The following FAP variants were observed in gnomAD, a reference collection of about 807,000 sequenced individuals.
FAP encodes the protein fibroblast activation protein alpha.
In FAP, 110 loss-of-function variants were observed where a neutral mutation model predicts 126.5. That is an observed-to-expected ratio of 0.87 (90% CI 0.74 to 1.02). The LOEUF (loss-of-function observed/expected upper bound fraction) is 1.02, where lower values mean the gene tolerates loss of function less well. Among genes scored for constraint, FAP ranks in the 50% least tolerant of loss-of-function variants. FAP has a pLI of 0.00. For missense variants in FAP, 919 were observed against 909.2 expected (o/e 1.01, Z -0.14); for synonymous variants, 334 against 297.3 (o/e 1.12, Z -1.27).
chr2:162,235,162 G>A (rs1451149003), intron 2 of FAP, among the ~76,000 whole-genome samples: 2 of 75,476 alleles, frequency 2.6e-5, no homozygotes, highest in East Asian at 3.9e-4. Context: ...CACCCCCTCC[G>A]CACCGCCCGC....
At chr2:162,222,550 A>G (rs893193068) in intron 6 of FAP, among the ~76,000 whole-genome samples, 2 of 151,974 alleles carry the variant, frequency 1.3e-5, no homozygotes, top group African/African-American at 2.4e-5. Context: ...AGACCAGAAG[A>G]TTTTTTTTCA....
chr2:162,188,787 A>C (rs1687940423), intron 19 of FAP, among the ~76,000 whole-genome samples: 1 of 152,120 alleles, frequency 6.6e-6, no homozygotes, highest in Non-Finnish European at 1.5e-5. Flanking sequence ...CAATTACATA[A>C]GATGTGAAGA....
At chr2:162,201,723 T>A (rs1688504267) in intron 14 of FAP, among the ~76,000 whole-genome samples, 1 of 152,182 alleles carries the variant, frequency 6.6e-6, no homozygotes, top group African/African-American at 2.4e-5. Context: ...GAATGTGTAT[T>A]GAACTACTCT....
intron 2 of FAP, among the ~76,000 whole-genome samples, chr2:162,230,113 G>A (rs1689836256): frequency 6.6e-6 from 1 of 152,132 alleles, no homozygotes; most frequent in African/African-American, 2.4e-5. Context: ...TTATGTTGAT[G>A]TCAGGCTGGG....
At chr2:162,242,161 G>A (rs1405028859) in intron 2 of FAP, among the ~76,000 whole-genome samples, 1 of 151,896 alleles carries the variant, frequency 6.6e-6, no homozygotes, top group Admixed American at 6.6e-5. Context: ...AGAAGCTTGA[G>A]TTTCTCTTCA....
rs1239429088 is a variant in FAP at position 162,218,070 on chromosome 2, A to G, written c.678T>C (p.Phe226=). 1.9e-6 allele frequency: 3 copies of G among 1,609,208 alleles called. No individual in the cohort carries two copies. Reference sequence around the variant, plus strand: ...CAATAACTGGTATATCCGTATCATTAAATTCCGCATATGCCAAAAATTTTC... The same window carrying G: ...CAATAACTGGTATATCCGTATCATTGAATTCCGCATATGCCAAAAATTTTC... ...PNGKFLAYAE[F]NDTDIPVIAY... is the part of the protein sequence containing the mutation. Residue 226 remains phenylalanine, a synonymous_variant, in exon 9 of 26, where the codon TTT becomes TTC. Coordinates refer to ENST00000188790, the MANE Select transcript of FAP (RefSeq NM_004460.5).
At chr2:162,179,024 C>A (rs1207460626) in intron 21 of FAP, among the ~76,000 whole-genome samples, 1 of 152,132 alleles carries the variant, frequency 6.6e-6, no homozygotes, top group Non-Finnish European at 1.5e-5. Context: ...ACTCTCCTAG[C>A]CCCTTGGCCC....
At chr2:162,203,440 G>A (rs112930284) in intron 12 of FAP, among the ~76,000 whole-genome samples, 2 of 152,234 alleles carry the variant, frequency 1.3e-5, no homozygotes, top group African/African-American at 4.8e-5. Context: ...GGTTTGAAAC[G>A]GAGTTAAAAG....
At position 162,192,538 on chromosome 2, in the gene FAP, C is replaced by G. The variant is rs558008835; in HGVS notation, c.1450+2163G>C. ...AGGCTCACTCCCCACTAACCCTATC[C>G]ACTCTTGTTTTGTCCACTCGGCTCA... On this transcript the variant is annotated intron_variant, in intron 17 of 25. Coordinates refer to ENST00000188790, the MANE Select transcript of FAP (RefSeq NM_004460.5). Among the ~76,000 whole-genome samples the G allele has an allele frequency of 5.9e-5, 9 of 152,218 alleles. No homozygotes were observed. The South Asian group carries it at 1.7e-3, about 28-fold the overall frequency.
chr2:162,218,076 C>A lies in FAP; in HGVS notation c.672G>T (p.Ala224=). The part of the protein sequence containing the change: ...WSPNGKFLAY[A]EFNDTDIPVI... ...CTGGTATATCCGTATCATTAAATTC[C>A]GCATATGCCAAAAATTTTCCATTAG... The change falls in exon 9 of 26, where the codon GCG becomes GCT. Residue 224 remains alanine (A), a synonymous_variant. Transcript: ENST00000188790. 1 of 1,606,926 alleles carries A rather than the reference C, an allele frequency of 6.2e-7. No homozygotes were observed. The highest frequency in any genetic ancestry group is 8.5e-7 in the Non-Finnish European group (1 of 1,176,094).
At chr2:162,205,596 C>T (rs1468694625) in intron 12 of FAP, among the ~76,000 whole-genome samples, 2 of 152,148 alleles carry the variant, frequency 1.3e-5, no homozygotes, top group African/African-American at 4.8e-5. Flanking sequence ...TCATCACAAC[C>T]TCTGTCGCCC....
chr2:162,213,004 T>C (rs1000882010), intron 11 of FAP, among the ~76,000 whole-genome samples: 4 of 152,186 alleles, frequency 2.6e-5, no homozygotes, highest in Admixed American at 2.6e-4. Context: ...TCGGGTACTG[T>C]CCTAAGATAA....
Position 162,225,532 on chromosome 2 carries a change from T to C in FAP, c.236A>G (p.Tyr79Cys). The change falls in exon 4 of 26, where the codon TAT becomes TGT. Residue 79 changes from tyrosine to cysteine, a missense_variant. Coordinates refer to ENST00000188790, the MANE Select transcript of FAP (RefSeq NM_004460.5). ...ATATGATTGTCCTGTTTCAATATTA[T>C]AAAGTACTATATTGTTATCTGCAGA... ...HQSADNNIVL[Y>C]NIETGQSYTI... 6.2e-7 allele frequency: 1 copy of C among 1,600,890 alleles called. No homozygotes were observed. The highest frequency in any genetic ancestry group is 1.1e-5 in the South Asian group (1 of 89,750).
In FAP at chr2:162,209,597, G is replaced by A. The variant is rs530510134; in HGVS notation, c.1047+355C>T. On this transcript the variant is annotated intron_variant, in intron 12 of 25. Transcript: ENST00000188790. ...AATGTATTTTTTTTTGGATTTAAATGGCTAGTAATTATTAAGATGATTTTA... is the reference window on the plus strand; with the variant it reads ...AATGTATTTTTTTTTGGATTTAAATAGCTAGTAATTATTAAGATGATTTTA... The A allele has an allele frequency of 5.1e-5, 9 of 175,682 alleles. No homozygotes were observed. In the East Asian group the frequency reaches 9.3e-4, roughly 18 times the overall value. 10.9% of individuals were successfully genotyped at this position (175,682 alleles called of 1,614,324 possible).
At chr2:162,177,056 GA>G (rs1687511603) in intron 21 of FAP, among the ~76,000 whole-genome samples, 1 of 152,100 alleles carries the variant, frequency 6.6e-6, no homozygotes, top group African/African-American at 2.4e-5. Flanking sequence ...GGGGAAAAAA[GA>G]AAACCCGAGT....
intron 21 of FAP, among the ~76,000 whole-genome samples, chr2:162,182,309 C>T (rs78034415): frequency 0.013 from 1,937 of 152,192 alleles, 44 homozygotes; most frequent in Admixed American, 0.055. Context: ...ACATGTTCAA[C>T]TTAAAATTAG....
chr2:162,242,864 C>T (rs373710453), intron 2 of FAP, 44 bp downstream of exon 2: 23 of 1,458,402 alleles, frequency 1.6e-5, no homozygotes, highest in Middle Eastern at 1.7e-4. Context: ...GTACATTTTC[C>T]AAGCTATTCT....
At chr2:162,228,426 G>T (rs1279426044) in intron 2 of FAP, among the ~76,000 whole-genome samples, 1 of 152,126 alleles carries the variant, frequency 6.6e-6, no homozygotes, top group African/African-American at 2.4e-5. Context: ...AAATAATAAA[G>T]TGGAATAATA....
chr2:162,197,665 G>A (rs1479875942), intron 16 of FAP: 1 of 456,426 alleles, frequency 2.2e-6, no homozygotes, highest in African/African-American at 2.0e-5. Flanking sequence ...GGGCCAGGTG[G>A]CTGGACTGAG....
Sources: gnomAD v4.1 joint callset for allele counts (sites outside exome capture counted in the v4.1 genomes callset) on GRCh38, gnomAD v4.1.1 for gene constraint, MANE v1.5 for transcripts, NCBI Gene and HGNC (gene_info 2026-07-23, HGNC 2026-07-21) for gene names.